NPTXR: variants seen among roughly 807,000 people sequenced by gnomAD.
NPTXR encodes neuronal pentraxin receptor.
Under a neutral mutation model 32.2 loss-of-function variants are expected in NPTXR, and 12 were observed. The ratio of observed to expected loss-of-function variants is 0.37; its 90% confidence interval spans 0.24 to 0.60. The LOEUF (loss-of-function observed/expected upper bound fraction) is 0.60. Ranked by LOEUF, NPTXR falls within the 20% of genes least tolerant of loss-of-function variation. NPTXR has a pLI of 0.66. For missense variants in NPTXR, 612 were observed against 682.9 expected, an observed-to-expected ratio of 0.90 and a Z score of 1.16; for synonymous variants, 323 against 315.8, an observed-to-expected ratio of 1.02 and a Z score of -0.24.
Position 38,826,625 on chromosome 22 carries a change from G to T in NPTXR, c.973C>A (p.Leu325Met). Residue 325 changes from leucine (L) to methionine (M), a missense_variant, in exon 3 of 5, where the codon CTG becomes ATG. By Grantham distance (15) the Leu-to-Met change is conservative. Coordinates refer to ENST00000333039, the MANE Select transcript of NPTXR (RefSeq NM_014293.4). ...CCGGTGCCGCTGGACCTGGACCGCA[G>T]CCACATGCAGGCGGTGAATGCGTAG... 1 of 1,614,250 alleles carries T rather than the reference G, an allele frequency of 6.2e-7. No homozygotes were observed. The highest frequency in any genetic ancestry group is 2.2e-5 in the East Asian group (1 of 44,884).
chr22:38,838,504 C>T (rs1170090695), intron 1 of NPTXR, among the ~76,000 whole-genome samples: 1 of 151,850 alleles, frequency 6.6e-6, no homozygotes, highest in South Asian at 2.1e-4. Flanking sequence ...CTTCACCCCT[C>T]TCACTCTGGG....
intron 1 of NPTXR, among the ~76,000 whole-genome samples, chr22:38,835,404 G>A (rs2093122470): frequency 6.6e-6 from 1 of 152,224 alleles, no homozygotes; most frequent in African/African-American, 2.4e-5. Context: ...ACAGGTGAGT[G>A]GTGGGCAAAG....
chr22:38,826,314 C>T (rs867632349), intron 3 of NPTXR, among the ~76,000 whole-genome samples, 186 bp downstream of exon 3: 4 of 152,258 alleles, frequency 2.6e-5, no homozygotes, highest in East Asian at 1.9e-4. Flanking sequence ...GCCTCTCTTC[C>T]GGCAGCTCCA....
intron 1 of NPTXR, among the ~76,000 whole-genome samples, chr22:38,836,582 A>G (rs990057254): frequency 2.0e-5 from 3 of 152,218 alleles, no homozygotes; most frequent in African/African-American, 7.2e-5. Context: ...GAGCCAGAAT[A>G]GCCGTTGCCT....
intron 1 of NPTXR, among the ~76,000 whole-genome samples, chr22:38,842,454 T>G (rs77812503): frequency 0.031 from 4,684 of 152,268 alleles, 104 homozygotes; most frequent in Middle Eastern, 0.051. Context: ...AGGGGGGAAA[T>G]GACTGGCCCA....
intron 1 of NPTXR, among the ~76,000 whole-genome samples, chr22:38,832,921 CT>C (rs1279396766): frequency 6.6e-6 from 1 of 152,242 alleles, no homozygotes; most frequent in East Asian, 1.9e-4. Flanking sequence ...CGCAGGGCAG[CT>C]TCACAAAGGG....
At position 38,833,171 on chromosome 22, in the gene NPTXR, C is replaced by A. The variant is rs564557417; in HGVS notation, c.625-4659G>T. ...CAGGGTCCCACCCTCTGCACCACTG[C>A]CCCTGCCCAGGATCACCCAGGTAGT... On this transcript the variant is annotated intron_variant, in intron 1 of 4. Transcript: ENST00000333039. Among the ~76,000 whole-genome samples the A allele has an allele frequency of 1.2e-4, 19 of 152,344 alleles. 1 individual carries two copies. In the South Asian group the frequency reaches 3.7e-3, roughly 30 times the overall value.
Position 38,822,541 on chromosome 22 carries a change from A to G in NPTXR, c.*68T>C. 7.3e-7 allele frequency: 1 copy of G among 1,367,310 alleles called. No homozygotes were observed. The highest frequency in any genetic ancestry group is 1.0e-6 in the Non-Finnish European group (1 of 979,458). The allele number at this position is 1,367,310 out of a possible 1,614,324, so 84.7% of individuals were successfully genotyped here. ...AGGCCAGTGCGTGGGCAGGCTGAGG[A>G]GGGAATATGACCCCCCTCAAGTCCC... On this transcript the variant is annotated 3_prime_UTR_variant, in exon 5 of 5. Transcript: ENST00000333039.
intron 1 of NPTXR, among the ~76,000 whole-genome samples, chr22:38,838,943 TTGA>T (rs879503619): frequency 9.2e-5 from 14 of 151,964 alleles, no homozygotes; most frequent in Non-Finnish European, 2.1e-4. Flanking sequence ...GGGTCTAGAG[TTGA>T]TGATGAAGAA....
chr22:38,843,164 C>T lies in NPTXR; in HGVS notation c.624+71G>A, dbSNP rs1256860341. On this transcript the variant is annotated intron_variant, in intron 1 of 4. Transcript: ENST00000333039. The surrounding 1 kb of genome is among the most constrained non-coding windows in gnomAD (Gnocchi z 5.3). Reference sequence around the variant, plus strand: ...GACGGGAGACCGGAGGCTCGGGGACCGCCGGACGACCGCGGCCGGGCGGCC... The same window carrying T: ...GACGGGAGACCGGAGGCTCGGGGACTGCCGGACGACCGCGGCCGGGCGGCC... The T allele has an allele frequency of 8.1e-7, 1 of 1,242,124 alleles. No individual in the cohort carries two copies. Among genetic ancestry groups the T allele is most frequent in the South Asian group, 2.9e-5 (1 of 34,834 alleles). The allele number at this position is 1,242,124 out of a possible 1,614,324, so 76.9% of individuals were successfully genotyped here. A position where few individuals can be genotyped will look rare whatever the true frequency, so the allele number is the denominator to read the frequency against.
Position 38,843,271 on chromosome 22 carries a change from G to A in NPTXR, c.588C>T (p.Ala196=), listed in dbSNP as rs1221595682. 2 of 1,429,724 alleles carry A rather than the reference G, an allele frequency of 1.4e-6. No individual in the cohort carries two copies. Among genetic ancestry groups the A allele is most frequent in the East Asian group, 3.1e-5 (1 of 32,454 alleles). 88.6% of individuals were successfully genotyped at this position (1,429,724 alleles called of 1,614,324 possible). A position where few individuals can be genotyped will look rare whatever the true frequency, so the allele number is the denominator to read the frequency against. ...CGATGCGGTCCCGCAGGGCGCGCAC[G>A]GCGTCCTCCAGCTCCAGAATGAGCG... Residue 196 remains alanine (A), a synonymous_variant, in exon 1 of 5, where the codon GCC becomes GCT. Coordinates refer to ENST00000333039, the MANE Select transcript of NPTXR (RefSeq NM_014293.4). This position sits in a 1 kb window ranked among gnomAD's most constrained non-coding sequence, Gnocchi z 5.3.
chr22:38,829,496 T>C (rs1568985024), intron 1 of NPTXR, among the ~76,000 whole-genome samples: 2 of 152,132 alleles, frequency 1.3e-5, no homozygotes, highest in Admixed American at 6.5e-5. Flanking sequence ...GTGGCAGACA[T>C]GTCACAGAAA....
chr22:38,833,399 G>A (rs1042206143), intron 1 of NPTXR, among the ~76,000 whole-genome samples: 1 of 152,188 alleles, frequency 6.6e-6, no homozygotes, highest in African/African-American at 2.4e-5. Flanking sequence ...TGTGGACCAC[G>A]GCCCCTCACC....
Position 38,843,372 on chromosome 22 carries a change from T to C in NPTXR, c.487A>G (p.Ser163Gly). The C allele has an allele frequency of 7.1e-7, 1 of 1,410,008 alleles. No homozygotes were observed. Among genetic ancestry groups the C allele is most frequent in the Non-Finnish European group, 9.2e-7 (1 of 1,091,100 alleles). 87.3% of individuals were successfully genotyped at this position (1,410,008 alleles called of 1,614,324 possible). The change falls in exon 1 of 5, where the codon AGC becomes GGC. Residue 163 changes from serine to glycine, a missense_variant. Coordinates refer to ENST00000333039, the MANE Select transcript of NPTXR (RefSeq NM_014293.4). The surrounding 1 kb of genome is among the most constrained non-coding windows in gnomAD (Gnocchi z 5.3). ...CCCTGGAGGCCGCGCGGCAGGCCGC[T>C]CTCGCAGCGGCCCAGCTTGCCGGTG...
intron 1 of NPTXR, among the ~76,000 whole-genome samples, chr22:38,837,436 C>T (rs113547456): frequency 6.7e-4 from 102 of 152,358 alleles, no homozygotes; most frequent in African/African-American, 2.2e-3. Flanking sequence ...GTCAGGGGAA[C>T]CAGTGCCCAC....
At chr22:38,827,235 T>C (rs1464197756) in intron 2 of NPTXR, among the ~76,000 whole-genome samples, 1 of 148,576 alleles carries the variant, frequency 6.7e-6, no homozygotes, top group Admixed American at 6.7e-5. Context: ...ATTCTTTCTT[T>C]TCTTTTCTTT....
In NPTXR at chr22:38,843,348, C is replaced by A. The variant is rs974071606; in HGVS notation, c.511G>T (p.Gly171Cys). The A allele has an allele frequency of 7.1e-7, 1 of 1,412,592 alleles. No individual in the cohort carries two copies. Among genetic ancestry groups the A allele is most frequent in the South Asian group, 1.5e-5 (1 of 68,242 alleles). The allele number at this position is 1,412,592 out of a possible 1,614,324, so 87.5% of individuals were successfully genotyped here. ...ATGGTGTCGCGGCGGGGCCCGGCGC[C>A]CTGGAGGCCGCGCGGCAGGCCGCTC... The change falls in exon 1 of 5, where the codon GGC becomes TGC. Residue 171 changes from glycine (G) to cysteine (C), a missense_variant. Gly to Cys is a radical substitution (Grantham distance 159, BLOSUM62 -3). Transcript: ENST00000333039. The surrounding 1 kb of genome is among the most constrained non-coding windows in gnomAD (Gnocchi z 5.3).
chr22:38,836,247 A>G (rs905191690), intron 1 of NPTXR, among the ~76,000 whole-genome samples: 4 of 152,206 alleles, frequency 2.6e-5, no homozygotes, highest in Non-Finnish European at 5.9e-5. Flanking sequence ...CCCCTCTTGC[A>G]ACCCACTCCT....
At chr22:38,835,872 A>G (rs545801749) in intron 1 of NPTXR, among the ~76,000 whole-genome samples, 34 of 152,170 alleles carry the variant, frequency 2.2e-4, no homozygotes, top group Admixed American at 9.8e-4. Flanking sequence ...GGTTGCTTCT[A>G]TCCCTGTCCC....
Sources: gnomAD v4.1 joint callset for allele counts (sites outside exome capture counted in the v4.1 genomes callset) on GRCh38, gnomAD v4.1.1 for gene constraint, Gnocchi (gnomAD v3.1) non-coding constraint, MANE v1.5 for transcripts, NCBI Gene and HGNC (gene_info 2026-07-23, HGNC 2026-07-21) for gene names.